Variants in PRDM16 observed in about 807,000 individuals in gnomAD.
PRDM16 encodes histone-lysine N-methyltransferase PRDM16.
In PRDM16, 23 loss-of-function variants were observed where a neutral mutation model predicts 110.6. That is an observed-to-expected ratio of 0.21 (90% confidence interval 0.15 to 0.29). The LOEUF (loss-of-function observed/expected upper bound fraction) is 0.29, where lower values mean the gene tolerates loss of function less well. Ranked by LOEUF, PRDM16 falls within the 10% of genes least tolerant of loss-of-function variation. The pLI is 1.00. For missense variants in PRDM16, 1,615 were observed against 1,794.3 expected (o/e 0.90, Z 1.81); for synonymous variants, 799 against 781.8 (o/e 1.02, Z -0.37).
At chr1:3,095,810 C>G (rs4648362) in intron 1 of PRDM16, among the ~76,000 whole-genome samples, 53,821 of 151,902 alleles carry the variant, frequency 0.35, 10,763 homozygotes, top group African/African-American at 0.54. Context: ...CTTGGAATGC[C>G]CTGGGGGCTG....
chr1:3,360,124 G>A (rs940979084), intron 3 of PRDM16, among the ~76,000 whole-genome samples: 8 of 150,918 alleles, frequency 5.3e-5, no homozygotes, highest in Admixed American at 3.9e-4. Context: ...AGGACATGGC[G>A]CTGTAATGCT....
chr1:3,193,041 G>A (rs1008004764), intron 2 of PRDM16, among the ~76,000 whole-genome samples: 3 of 151,836 alleles, frequency 2.0e-5, no homozygotes, highest in South Asian at 2.1e-4. Flanking sequence ...GCCAGACGGC[G>A]AGTACCCAGC....
At chr1:3,216,142 G>A (rs1569861165) in intron 2 of PRDM16, among the ~76,000 whole-genome samples, 1 of 152,034 alleles carries the variant, frequency 6.6e-6, no homozygotes, top group African/African-American at 2.4e-5. Context: ...CGGGCTGGCC[G>A]TGGCCCCCTG....
chr1:3,075,324 T>A (rs1430198324), intron 1 of PRDM16, among the ~76,000 whole-genome samples: 1 of 152,262 alleles, frequency 6.6e-6, no homozygotes, highest in East Asian at 1.9e-4. Flanking sequence ...CTTTTTCAAT[T>A]CTGTATGCAA....
At chr1:3,418,808 T>G (rs895843844) in intron 12 of PRDM16, 64 bp downstream of exon 12, 1 of 1,242,680 alleles carries the variant, frequency 8.0e-7, no homozygotes, top group Non-Finnish European at 1.2e-6. Context: ...GCTGACCCAC[T>G]CCTAGGAGTA....
chr1:3,298,088 G>A (rs1483279159), intron 3 of PRDM16, among the ~76,000 whole-genome samples: 2 of 152,280 alleles, frequency 1.3e-5, no homozygotes, highest in South Asian at 2.1e-4. Flanking sequence ...GAAGTTCCAA[G>A]TGTGGGCCAT....
intron 2 of PRDM16, among the ~76,000 whole-genome samples, chr1:3,217,547 C>T (rs1404437045): frequency 1.3e-5 from 2 of 152,204 alleles, no homozygotes; most frequent in Non-Finnish European, 2.9e-5. Flanking sequence ...GGAGCATAAA[C>T]TGGCCTCTGT....
chr1:3,408,524 G>A (rs957292790), intron 8 of PRDM16, among the ~76,000 whole-genome samples: 3 of 152,086 alleles, frequency 2.0e-5, no homozygotes, highest in African/African-American at 7.2e-5. Context: ...GCGTGTGTGT[G>A]TGAGAGCGTG....
At chr1:3,394,047 C>A (rs922555049) in intron 4 of PRDM16, among the ~76,000 whole-genome samples, 4 of 151,896 alleles carry the variant, frequency 2.6e-5, no homozygotes, top group Non-Finnish European at 5.9e-5. Context: ...AGGGGAGGGT[C>A]CCCCGGCAAG....
intron 2 of PRDM16, among the ~76,000 whole-genome samples, chr1:3,186,944 C>T (rs1425241351): frequency 6.6e-6 from 1 of 152,230 alleles, no homozygotes; most frequent in Non-Finnish European, 1.5e-5. Context: ...CAGCCAGTGG[C>T]CTAAGAGCAG....
chr1:3,398,126 G>A (rs1046504838), intron 5 of PRDM16, among the ~76,000 whole-genome samples: 9 of 152,278 alleles, frequency 5.9e-5, no homozygotes, highest in Admixed American at 2.6e-4. Flanking sequence ...CTTAGACAGC[G>A]CACAAGAACG....
chr1:3,394,234 A>C (rs1244144710), intron 4 of PRDM16, among the ~76,000 whole-genome samples: 1 of 151,290 alleles, frequency 6.6e-6, no homozygotes, highest in Non-Finnish European at 1.5e-5. Context: ...TGTGTAGAGA[A>C]GGGAGTCCGG....
chr1:3,195,344 C>T (rs906475947), intron 2 of PRDM16, among the ~76,000 whole-genome samples: 1 of 151,952 alleles, frequency 6.6e-6, no homozygotes, highest in African/African-American at 2.4e-5. Flanking sequence ...CTCGGAGGCA[C>T]GGGTATATAA....
chr1:3,250,528 G>T (rs927707498), intron 3 of PRDM16, among the ~76,000 whole-genome samples: 14 of 151,698 alleles, frequency 9.2e-5, no homozygotes, highest in African/African-American at 3.2e-4. Context: ...CTCACCTGAA[G>T]GATCCCTTAA....
At chr1:3,372,898 A>C (rs530899385) in intron 3 of PRDM16, among the ~76,000 whole-genome samples, 1 of 152,094 alleles carries the variant, frequency 6.6e-6, no homozygotes, top group Non-Finnish European at 1.5e-5. Context: ...GGGGCCTGCT[A>C]TGGGGTGGGG....
chr1:3,167,809 C>A (rs1350321843), intron 1 of PRDM16, among the ~76,000 whole-genome samples: 11 of 21,468 alleles, frequency 5.1e-4, no homozygotes. Context: ...TGCCCCCCTG[C>A]TCCTGCCATC....
intron 3 of PRDM16, among the ~76,000 whole-genome samples, chr1:3,361,678 G>A (rs1449073222): frequency 1.3e-5 from 2 of 152,222 alleles, no homozygotes; most frequent in Non-Finnish European, 2.9e-5. Context: ...ACATGGGCTG[G>A]GGTGAAGAGT....
intron 3 of PRDM16, among the ~76,000 whole-genome samples, chr1:3,285,616 G>A (rs149166503): frequency 3.3e-5 from 5 of 152,330 alleles, no homozygotes; most frequent in Admixed American, 6.5e-5. Flanking sequence ...CACATTGGCC[G>A]TGGTCATAGC....
chr1:3,091,983 C>T (rs1380318713), intron 1 of PRDM16, among the ~76,000 whole-genome samples: 2 of 152,208 alleles, frequency 1.3e-5, no homozygotes, highest in Non-Finnish European at 2.9e-5. Flanking sequence ...GGGAGGCCCG[C>T]GTTAGCCCCA....
Sources: gnomAD v4.1 joint callset for allele counts (sites outside exome capture counted in the v4.1 genomes callset) on GRCh38, gnomAD v4.1.1 for gene constraint, MANE v1.5 for transcripts, NCBI Gene and HGNC (gene_info 2026-07-23, HGNC 2026-07-21) for gene names.